Variants in ITGA9 observed in about 807,000 individuals in gnomAD.
The protein encoded by ITGA9 is integrin alpha-9.
Under a neutral mutation model 127.8 loss-of-function variants are expected in ITGA9, and 56 were observed. The observed-to-expected ratio is 0.44, with a 90% CI of 0.35 to 0.55. The LOEUF (loss-of-function observed/expected upper bound fraction) is 0.55, where lower values mean the gene tolerates loss of function less well. ITGA9 is among the 20% of genes least tolerant of loss of function. The pLI is 0.00. For synonymous variants in ITGA9, 508 were observed against 514.5 expected, an observed-to-expected ratio of 0.99 and a Z score of 0.17; for missense variants, 1,196 against 1,347.1, an observed-to-expected ratio of 0.89 and a Z score of 1.76.
intron 15 of ITGA9, among the ~76,000 whole-genome samples, chr3:37,547,901 A>ACCACAGTT (rs1699343290): frequency 6.6e-6 from 1 of 152,216 alleles, no homozygotes; most frequent in Non-Finnish European, 1.5e-5. Context: ...CCCAAAGGCA[A>ACCACAGTT]CCACAGTTCC....
chr3:37,520,470 A>G (rs546493929), intron 11 of ITGA9, among the ~76,000 whole-genome samples: 3 of 152,122 alleles, frequency 2.0e-5, no homozygotes, highest in African/African-American at 7.2e-5. Context: ...TGGCCACAGA[A>G]TCTTTGCCAG....
chr3:37,706,945 G>A (rs1701012229), intron 18 of ITGA9, among the ~76,000 whole-genome samples: 1 of 152,058 alleles, frequency 6.6e-6, no homozygotes, highest in South Asian at 2.1e-4. Context: ...AGAAGTAAAA[G>A]TTTGTGTTCT....
At chr3:37,509,376 G>T (rs534671295) in intron 8 of ITGA9, among the ~76,000 whole-genome samples, 1 of 152,184 alleles carries the variant, frequency 6.6e-6, no homozygotes, top group Non-Finnish European at 1.5e-5. Context: ...GGACTGTTTG[G>T]CTGAGCTTGG....
intron 16 of ITGA9, among the ~76,000 whole-genome samples, chr3:37,633,608 G>T (rs1173508207): frequency 6.6e-6 from 1 of 152,148 alleles, no homozygotes; most frequent in Non-Finnish European, 1.5e-5. Flanking sequence ...AAGAATATTT[G>T]AACTAAAATT....
chr3:37,472,968 A>G (rs183197), intron 2 of ITGA9, among the ~76,000 whole-genome samples: 118,270 of 150,418 alleles, frequency 0.79, 46,996 homozygotes, highest in Middle Eastern at 0.89. Flanking sequence ...GTGAAAACCC[A>G]TCTCTGCTAA....
At chr3:37,456,843 C>T (rs1308509663) in intron 1 of ITGA9, among the ~76,000 whole-genome samples, 1 of 152,204 alleles carries the variant, frequency 6.6e-6, no homozygotes, top group African/African-American at 2.4e-5. Flanking sequence ...GTAGTCACCA[C>T]TAGCCAGATA....
intron 1 of ITGA9, among the ~76,000 whole-genome samples, chr3:37,453,050 G>A (rs954825002): frequency 3.3e-5 from 5 of 152,148 alleles, no homozygotes; most frequent in African/African-American, 4.8e-5. Flanking sequence ...GCTGCGCGGG[G>A]TGGGGCTCCC....
chr3:37,767,683 A>G (rs984954985), intron 23 of ITGA9, among the ~76,000 whole-genome samples: 4 of 152,154 alleles, frequency 2.6e-5, no homozygotes, highest in Admixed American at 2.6e-4. Flanking sequence ...TGATCATCAG[A>G]CTGTTTCTGT....
intron 18 of ITGA9, among the ~76,000 whole-genome samples, chr3:37,694,070 C>G (rs1382426565): frequency 1.3e-5 from 2 of 152,212 alleles, no homozygotes; most frequent in East Asian, 3.9e-4. Context: ...ATCCAGTGCC[C>G]CAAGCCCCCT....
chr3:37,503,995 G>T (rs374478917), intron 6 of ITGA9, among the ~76,000 whole-genome samples: 28 of 152,214 alleles, frequency 1.8e-4, no homozygotes, highest in African/African-American at 6.8e-4. Context: ...ATTTAGGAAG[G>T]CCTAATGATG....
chr3:37,810,929 C>T (rs924903440), intron 27 of ITGA9, among the ~76,000 whole-genome samples: 1 of 152,236 alleles, frequency 6.6e-6, no homozygotes, highest in African/African-American at 2.4e-5. Flanking sequence ...CTGATGTGCT[C>T]AGCCAGACCA....
intron 1 of ITGA9, among the ~76,000 whole-genome samples, chr3:37,466,037 ATAATATTAGT>A (rs1698366462): frequency 6.6e-6 from 1 of 152,048 alleles, no homozygotes; most frequent in Non-Finnish European, 1.5e-5. Context: ...TAAAATGGGG[ATAATATTAGT>A]ACCTCCCGTA....
chr3:37,454,992 A>G (rs1191602487), intron 1 of ITGA9, among the ~76,000 whole-genome samples: 1 of 152,210 alleles, frequency 6.6e-6, no homozygotes. Flanking sequence ...CTTAAGCCAA[A>G]GGATTCTTGC....
At chr3:37,692,412 A>AGTGTGTGTGTGTGT (rs59928496) in intron 18 of ITGA9, among the ~76,000 whole-genome samples, 36 of 146,072 alleles carry the variant, frequency 2.5e-4, no homozygotes, top group African/African-American at 8.6e-4. Context: ...AGAGAGAGAG[A>AGTGTGTGTGTGTGT]GTGTGTGTGT....
intron 15 of ITGA9, among the ~76,000 whole-genome samples, chr3:37,577,417 C>T (rs1263152471): frequency 6.6e-6 from 1 of 152,206 alleles, no homozygotes; most frequent in African/African-American, 2.4e-5. Context: ...ACCTTCATAG[C>T]TGACATCAAA....
At chr3:37,778,255 G>A (rs1696931261) in intron 24 of ITGA9, among the ~76,000 whole-genome samples, 1 of 152,204 alleles carries the variant, frequency 6.6e-6, no homozygotes, top group African/African-American at 2.4e-5. Flanking sequence ...GAGGGAGCCT[G>A]CTTAGATGCT....
intron 22 of ITGA9, among the ~76,000 whole-genome samples, chr3:37,747,709 T>C (rs930001517): frequency 7.5e-6 from 1 of 132,800 alleles, no homozygotes. Flanking sequence ...TTTCTTTCCT[T>C]TTTTTTCTTT....
intron 18 of ITGA9, among the ~76,000 whole-genome samples, chr3:37,723,948 GT>G (rs1701218723): frequency 6.6e-6 from 1 of 152,182 alleles, no homozygotes; most frequent in Admixed American, 6.5e-5. Flanking sequence ...GGAGCCCCAT[GT>G]TGCACAGGGC....
At chr3:37,601,171 G>T (rs966024340) in intron 15 of ITGA9, among the ~76,000 whole-genome samples, 1 of 152,174 alleles carries the variant, frequency 6.6e-6, no homozygotes, top group African/African-American at 2.4e-5. Context: ...AGCCTTATTG[G>T]ATGGAAAAGA....
Sources: allele counts gnomAD v4.1 joint callset (sites outside exome capture counted in the v4.1 genomes callset), GRCh38; gene constraint gnomAD v4.1.1; transcripts MANE v1.5; gene names NCBI Gene and HGNC (gene_info 2026-07-23, HGNC 2026-07-21).